Variants in C7orf25 observed in about 807,000 individuals in gnomAD.
C7orf25 encodes UPF0415 protein C7orf25.
In C7orf25, 14 loss-of-function variants were observed where a neutral mutation model predicts 25.5. The ratio of observed to expected loss-of-function variants is 0.55; its 90% CI spans 0.36 to 0.86. The LOEUF (loss-of-function observed/expected upper bound fraction) is 0.86. Among genes scored for constraint, C7orf25 ranks in the 40% least tolerant of loss-of-function variants. The probability of loss-of-function intolerance (pLI) is 0.01; values close to 1 mark genes in which losing one functional copy is unlikely to be tolerated. For synonymous variants in C7orf25, 184 were observed against 179.9 expected (o/e 1.02, Z -0.18); for missense variants, 405 against 493.9 (o/e 0.82, Z 1.71).
rs1785846367 is a variant in C7orf25 at position 42,910,021 on chromosome 7, C to T, written c.880G>A (p.Ala294Thr). ...AACAACTCCTTGTCCTTCATAAAGG[C>T]CTCCAGCTGAGGTAGAACCTGCTCT... is the stretch of plus-strand genomic sequence containing the variant. The part of the protein sequence containing the change: ...RKEQVLPQLE[A>T]FMKDKELFAC... Residue 294 changes from alanine to threonine, a missense_variant, in exon 2 of 2, where the codon GCC becomes ACC. Physicochemically the swap from Ala to Thr is moderately conservative, Grantham distance 58. Coordinates refer to ENST00000350427, the MANE Select transcript of C7orf25 (RefSeq NM_001099858.2). 6.2e-7 allele frequency: 1 copy of T among 1,614,070 alleles called. No individual in the cohort carries two copies.
At position 42,910,887 on chromosome 7, in the gene C7orf25, G is replaced by C. The variant is rs749639275; in HGVS notation, c.14C>G (p.Ser5Cys). 2 of 1,613,748 alleles carry C rather than the reference G, an allele frequency of 1.2e-6. No homozygotes were observed. The highest frequency in any genetic ancestry group is 1.7e-6 in the Non-Finnish European group (2 of 1,179,992). The change falls in exon 2 of 2, where the codon TCC (serine) becomes TGC (cysteine). Residue 5 changes from serine to cysteine, a missense_variant. Transcript: ENST00000350427. MSAH[S>C]MLCERIAIAK... ...TATGGCGATTCGTTCACAGAGCATGGAATGTGCAGACATGCTGTCAGCATT... is the reference window on the plus strand; with the variant it reads ...TATGGCGATTCGTTCACAGAGCATGCAATGTGCAGACATGCTGTCAGCATT...
rs560966736 is a variant in C7orf25 at position 42,910,271 on chromosome 7, A to T, written c.630T>A (p.Ser210Arg). The T allele has an allele frequency of 3.7e-5, 60 of 1,614,010 alleles. No homozygotes were observed. In the Admixed American group the frequency reaches 1.0e-3, roughly 27 times the overall value. The change falls in exon 2 of 2, where the codon AGT becomes AGA. Residue 210 changes from serine (S) to arginine (R), a missense_variant. By Grantham distance (110) the Ser-to-Arg change is moderately radical. Coordinates refer to ENST00000350427, the MANE Select transcript of C7orf25 (RefSeq NM_001099858.2). ...GTTCAGGGCCCTCATCATCTGATTC[A>T]CTCTCACTTGGTTGAAGCTCTTCAG... is the stretch of plus-strand genomic sequence containing the variant. ...DHPEELQPSE[S>R]ESDDEGPELL...
In C7orf25 at chr7:42,911,208, A is replaced by G. The variant is rs143546330; in HGVS notation, c.-21-287T>C. The stretch of plus-strand genomic sequence containing the variant: ...ACAGCATGGTCCTAGGTTAGGATAC[A>G]ATGCAAGAGTTGGGCAATCTGCTAT... On this transcript the variant is annotated intron_variant, in intron 1 of 1. Transcript: ENST00000350427. 2.9e-5 allele frequency: 18 copies of G among 616,252 alleles called. No individual in the cohort carries two copies. The African/African-American group carries it at 3.0e-4, about 10-fold the overall frequency. The allele number at this position is 616,252 out of a possible 1,614,324, so 38.2% of individuals were successfully genotyped here. A position where few individuals can be genotyped will look rare whatever the true frequency, so the allele number is the denominator to read the frequency against.
intron 1 of C7orf25, 197 bp from the exon 2 acceptor site, chr7:42,911,118 C>T: frequency 1.0e-6 from 1 of 957,654 alleles, no homozygotes; most frequent in South Asian, 1.4e-5. Flanking sequence ...CACTTTTGAA[C>T]TCTTCTTTAG....
rs758807179 is a variant in C7orf25, at chr7:42,909,682, G to C, written c.1219C>G (p.Leu407Val). The C allele has an allele frequency of 1.9e-5, 31 of 1,613,986 alleles. No individual in the cohort carries two copies. Among genetic ancestry groups the C allele is most frequent in the African/African-American group, 1.5e-4 (11 of 74,888 alleles). The change falls in exon 2 of 2, where the codon CTA becomes GTA. Residue 407 changes from leucine (L) to valine (V), a missense_variant. Transcript: ENST00000350427. Reference protein sequence around the residue: ...PRALTESKEALATPLPKDYTT... With the variant: ...PRALTESKEAVATPLPKDYTT... ...TAGTCTTTTGGTAAGGGGGTGGCTA[G>C]AGCCTCTTTACTCTCAGTAAGTGCT...
Position 42,909,997 on chromosome 7 carries a change from AC to A in C7orf25, c.903del (p.Leu301PhefsTer15). The A allele has an allele frequency of 6.2e-7, 1 of 1,614,152 alleles. No individual in the cohort carries two copies. The highest frequency in any genetic ancestry group is 8.5e-7 in the Non-Finnish European group (1 of 1,180,030). ...TCCTTGACAGCAGATTCACAAGCAA[AC>A]AACTCCTTGTCCTTCATAAAGGCCT... ...QLEAFMKDKE[L>X]FACESAVKDF... On this transcript the variant is annotated frameshift_variant, in exon 2 of 2. Transcript: ENST00000350427. LOFTEE classifies it high-confidence loss of function.
Position 42,910,913 on chromosome 7 carries a change from AT to A in C7orf25, c.-14del. On this transcript the variant is annotated 5_prime_UTR_variant, in exon 2 of 2. Coordinates refer to ENST00000350427, the MANE Select transcript of C7orf25 (RefSeq NM_001099858.2). ...AATGTGCAGACATGCTGTCAGCATT[AT>A]TCCTTTCCTAGGGAAAGAAACAAGG... The A allele has an allele frequency of 6.2e-7, 1 of 1,611,948 alleles. No homozygotes were observed. The highest frequency in any genetic ancestry group is 8.5e-7 in the Non-Finnish European group (1 of 1,179,536).
In C7orf25 at chr7:42,909,507, A is replaced by G; in HGVS notation, c.*128T>C. The G allele has an allele frequency of 1.0e-6, 1 of 964,586 alleles. No homozygotes were observed. The highest frequency in any genetic ancestry group is 1.5e-6 in the Non-Finnish European group (1 of 661,996). The allele number at this position is 964,586 out of a possible 1,614,324, so 59.8% of individuals were successfully genotyped here. A position where few individuals can be genotyped will look rare whatever the true frequency, so the allele number is the denominator to read the frequency against. On this transcript the variant is annotated 3_prime_UTR_variant, in exon 2 of 2. Coordinates refer to ENST00000350427, the MANE Select transcript of C7orf25 (RefSeq NM_001099858.2). ...TATATACTTTAGATGAGAGACAAAG[A>G]AACTCTACTGGTTTAAGAGTTCTCA... is the stretch of plus-strand genomic sequence containing the variant.
chr7:42,911,745 G>A (rs1472568517), intron 1 of C7orf25, 170 bp downstream of exon 1: 2 of 1,218,004 alleles, frequency 1.6e-6, no homozygotes, highest in Non-Finnish European at 2.0e-6. Context: ...GGCCCTGCCA[G>A]GAGGGGCCGG....
At position 42,911,743 on chromosome 7, in the gene C7orf25, C is replaced by T. The variant is rs1785907849; in HGVS notation, c.-22+172G>A. On this transcript the variant is annotated intron_variant, in intron 1 of 1. Coordinates refer to ENST00000350427, the MANE Select transcript of C7orf25 (RefSeq NM_001099858.2). Reference sequence around the variant, plus strand: ...GGCCACCTGCACAGCCGGGCCCTGCCAGGAGGGGCCGGGGCCGAAAAGCCC... The same window carrying T: ...GGCCACCTGCACAGCCGGGCCCTGCTAGGAGGGGCCGGGGCCGAAAAGCCC... 6 of 1,216,270 alleles carry T rather than the reference C, an allele frequency of 4.9e-6. No homozygotes were observed. In the East Asian group the frequency reaches 2.1e-4, roughly 42 times the overall value. 75.3% of individuals were successfully genotyped at this position (1,216,270 alleles called of 1,614,324 possible). A position where few individuals can be genotyped will look rare whatever the true frequency, so the allele number is the denominator to read the frequency against.
rs1200296628 is a variant in C7orf25, at chr7:42,910,399, CAA to C, written c.500_501del (p.Phe167CysfsTer36). On this transcript the variant is annotated frameshift_variant, in exon 2 of 2. Transcript: ENST00000350427. LOFTEE classifies it high-confidence loss of function. ...GGGCTGGAGACACTGTTGTAAAATG[CAA>C]AGATGATGTGAGGGTTGCTATACTG... is the stretch of plus-strand genomic sequence containing the variant. ...PVQYSNPHII[F>X]AFYNSVSSPM... 1 of 1,614,094 alleles carries C rather than the reference CAA, an allele frequency of 6.2e-7. No homozygotes were observed. The highest frequency in any genetic ancestry group is 1.3e-5 in the African/African-American group (1 of 74,936).
rs774151644 is a variant in C7orf25, at chr7:42,912,033, C to T, written c.-140G>A. 6.8e-7 allele frequency: 1 copy of T among 1,472,006 alleles called. No individual in the cohort carries two copies. The highest frequency in any genetic ancestry group is 1.3e-5 in the South Asian group (1 of 77,210). 91.2% of individuals were successfully genotyped at this position (1,472,006 alleles called of 1,614,324 possible). ...GCTCGAACGCCGAGGCGGCTCCACC[C>T]GCGCGAGCCCCGCCGCCTCGGGCAC... On this transcript the variant is annotated 5_prime_UTR_variant, in exon 1 of 2. Coordinates refer to ENST00000350427, the MANE Select transcript of C7orf25 (RefSeq NM_001099858.2).
Position 42,911,935 on chromosome 7 carries a change from G to C in C7orf25, c.-42C>G, listed in dbSNP as rs988166887. The C allele has an allele frequency of 1.4e-6, 2 of 1,481,226 alleles. No individual in the cohort carries two copies. Among genetic ancestry groups the C allele is most frequent in the East Asian group, 2.9e-5 (1 of 34,162 alleles). The allele number at this position is 1,481,226 out of a possible 1,614,324, so 91.8% of individuals were successfully genotyped here. On this transcript the variant is annotated 5_prime_UTR_variant, in exon 1 of 2. Transcript: ENST00000350427. ...CTCACCGGCAGCGCCAGAACCGCGA[G>C]CGCGAGCACGCAGGCGCGTGCACGC...
rs1484244406 is a variant in C7orf25 at position 42,909,685 on chromosome 7, C to A, written c.1216G>T (p.Ala406Ser). 1 of 1,613,972 alleles carries A rather than the reference C, an allele frequency of 6.2e-7. No homozygotes were observed. The highest frequency in any genetic ancestry group is 8.5e-7 in the Non-Finnish European group (1 of 1,180,020). ...TCTTTTGGTAAGGGGGTGGCTAGAG[C>A]CTCTTTACTCTCAGTAAGTGCTCTG... ...QPRALTESKE[A>S]LATPLPKDYT... Residue 406 changes from alanine (A) to serine (S), a missense_variant, in exon 2 of 2, where the codon GCT becomes TCT. Ala to Ser is a moderately conservative substitution (Grantham distance 99). Coordinates refer to ENST00000350427, the MANE Select transcript of C7orf25 (RefSeq NM_001099858.2).
In C7orf25 at chr7:42,911,611, T is replaced by G. The variant is rs1035795160; in HGVS notation, c.-22+304A>C. The G allele has an allele frequency of 2.2e-5, 23 of 1,058,666 alleles. No individual in the cohort carries two copies. In the East Asian group the frequency reaches 1.4e-3, roughly 63 times the overall value. The allele number at this position is 1,058,666 out of a possible 1,614,324, so 65.6% of individuals were successfully genotyped here. On this transcript the variant is annotated intron_variant, in intron 1 of 1. Coordinates refer to ENST00000350427, the MANE Select transcript of C7orf25 (RefSeq NM_001099858.2). ...CGAAGATGAAACTAAACTCCAAGGC[T>G]GCAACCCGCGGCGGCCGTGCAAGCG...
rs1249847770 is a variant in C7orf25, at chr7:42,911,964, G to A, written c.-71C>T. 4 of 1,495,752 alleles carry A rather than the reference G, an allele frequency of 2.7e-6. No homozygotes were observed. Among genetic ancestry groups the A allele is most frequent in the Non-Finnish European group, 3.5e-6 (4 of 1,130,912 alleles). 92.7% of individuals were successfully genotyped at this position (1,495,752 alleles called of 1,614,324 possible). A position where few individuals can be genotyped will look rare whatever the true frequency, so the allele number is the denominator to read the frequency against. On this transcript the variant is annotated 5_prime_UTR_variant, in exon 1 of 2. Coordinates refer to ENST00000350427, the MANE Select transcript of C7orf25 (RefSeq NM_001099858.2). ...GAGCACGCAGGCGCGTGCACGCAGA[G>A]GCCGGGACCCGCCGGGAAATCTCAA...
In C7orf25 at chr7:42,909,534, T is replaced by G; in HGVS notation, c.*101A>C. ...ACTCTACTGGTTTAAGAGTTCTCAG[T>G]TTTACTTTTACTATAGACCTTTTTT... On this transcript the variant is annotated 3_prime_UTR_variant, in exon 2 of 2. Coordinates refer to ENST00000350427, the MANE Select transcript of C7orf25 (RefSeq NM_001099858.2). The G allele has an allele frequency of 7.8e-7, 1 of 1,279,146 alleles. No individual in the cohort carries two copies. Among genetic ancestry groups the G allele is most frequent in the South Asian group, 1.5e-5 (1 of 65,498 alleles). The allele number at this position is 1,279,146 out of a possible 1,614,324, so 79.2% of individuals were successfully genotyped here. A position where few individuals can be genotyped will look rare whatever the true frequency, so the allele number is the denominator to read the frequency against.
Position 42,909,718 on chromosome 7 carries a change from GGA to G in C7orf25, c.1181_1182del (p.Ile394ThrfsTer8). On this transcript the variant is annotated frameshift_variant, in exon 2 of 2. Transcript: ENST00000350427. LOFTEE classifies it high-confidence loss of function. ...NNQGVKFSVFIHQPRALTESK... is the reference protein window; with the variant it reads ...NNQGVKFSVFXHQPRALTESK... ...CTCTCAGTAAGTGCTCTGGGCTGAT[GGA>G]TAAACACACTAAATTTAACACCCTG... The G allele has an allele frequency of 1.2e-6, 2 of 1,614,196 alleles. No homozygotes were observed. Among genetic ancestry groups the G allele is most frequent in the Non-Finnish European group, 1.7e-6 (2 of 1,180,046 alleles).
In C7orf25 at chr7:42,909,497, A is replaced by T. The variant is rs934122255; in HGVS notation, c.*138T>A. ...TTTGGGAGGTTATATACTTTAGATG[A>T]GAGACAAAGAAACTCTACTGGTTTA... On this transcript the variant is annotated 3_prime_UTR_variant, in exon 2 of 2. Coordinates refer to ENST00000350427, the MANE Select transcript of C7orf25 (RefSeq NM_001099858.2). 6.9e-6 allele frequency: 6 copies of T among 867,510 alleles called. No individual in the cohort carries two copies. In the Admixed American group the frequency reaches 9.2e-5, roughly 13 times the overall value. The allele number at this position is 867,510 out of a possible 1,614,324, so 53.7% of individuals were successfully genotyped here.
Sources: allele counts gnomAD v4.1 joint callset, GRCh38; gene constraint gnomAD v4.1.1; transcripts MANE v1.5; gene names NCBI Gene and HGNC (gene_info 2026-07-23, HGNC 2026-07-21).